CHMP4B: variants seen among roughly 807,000 people sequenced by gnomAD.
CHMP4B encodes the protein SNF7 homolog associated with Alix 1.
A neutral mutation model predicts 25.1 loss-of-function variants in CHMP4B; 1 was observed. The ratio of observed to expected loss-of-function variants is 0.04; its 90% confidence interval spans 0.01 to 0.19. CHMP4B has a LOEUF of 0.19. Among genes scored for constraint, CHMP4B ranks in the 10% least tolerant of loss-of-function variants. The probability of loss-of-function intolerance (pLI) is 1.00; values close to 1 mark genes in which losing one functional copy is unlikely to be tolerated. For missense variants in CHMP4B, 151 were observed against 289.7 expected (o/e 0.52, Z 3.48); for synonymous variants, 101 against 115.6 (o/e 0.87, Z 0.81).
At position 33,818,349 on chromosome 20, in the gene CHMP4B, C is replaced by T. The variant is rs1248047809; in HGVS notation, c.190+6691C>T. On this transcript the variant is annotated intron_variant, in intron 1 of 4. Transcript: ENST00000217402. ...ACAGCAGGAAGAGTTTAATTCATCT[C>T]TGAGGTTGCAGGTTCATCTCACCCA... 4.6e-5 allele frequency among the ~76,000 whole-genome samples: 7 copies of T among 152,364 alleles called. No individual in the cohort carries two copies. The South Asian group carries it at 1.5e-3, about 32-fold the overall frequency.
intron 1 of CHMP4B, among the ~76,000 whole-genome samples, 168 bp downstream of exon 1, chr20:33,811,826 C>T (rs932739509): frequency 6.6e-6 from 1 of 152,102 alleles, no homozygotes; most frequent in African/African-American, 2.4e-5. Context: ...TTCAATGTCT[C>T]CCCGATCCCT....
Position 33,831,760 on chromosome 20 carries a change from T to C in CHMP4B, c.191-16707T>C, listed in dbSNP as rs140369227. ...TCTTTAATTTTATTATTTTCACATA[T>C]ACAGTTGTAATCGACAGTGTTCAGC... On this transcript the variant is annotated intron_variant, in intron 1 of 4. Transcript: ENST00000217402. Among the ~76,000 whole-genome samples the C allele has an allele frequency of 1.6e-3, 244 of 152,360 alleles. 1 individual carries two copies. The highest frequency in any genetic ancestry group is 5.6e-3 in the African/African-American group (234 of 41,584).
chr20:33,845,009 T>G (rs534144267), intron 1 of CHMP4B, among the ~76,000 whole-genome samples: 17 of 152,284 alleles, frequency 1.1e-4, no homozygotes, highest in African/African-American at 3.9e-4. Flanking sequence ...TCCACCCGCC[T>G]TGGCCCCCCA....
intron 1 of CHMP4B, among the ~76,000 whole-genome samples, chr20:33,831,310 T>C (rs1479065632): frequency 6.6e-6 from 1 of 152,118 alleles, no homozygotes; most frequent in Non-Finnish European, 1.5e-5. Flanking sequence ...GGTCTCGAAC[T>C]CCTGACCTCA....
intron 1 of CHMP4B, among the ~76,000 whole-genome samples, chr20:33,820,109 C>A (rs945879756): frequency 1.3e-5 from 2 of 151,922 alleles, no homozygotes; most frequent in Non-Finnish European, 2.9e-5. Flanking sequence ...ACCCGAGAGC[C>A]GGAGCTTGCA....
intron 1 of CHMP4B, among the ~76,000 whole-genome samples, chr20:33,822,178 C>T (rs1472956458): frequency 6.6e-6 from 1 of 152,012 alleles, no homozygotes; most frequent in East Asian, 1.9e-4. Flanking sequence ...GAGTCTCTCC[C>T]TGTTGCCTAG....
chr20:33,831,960 C>T (rs539187925), intron 1 of CHMP4B, among the ~76,000 whole-genome samples: 1 of 152,344 alleles, frequency 6.6e-6, no homozygotes, highest in South Asian at 2.1e-4. Flanking sequence ...CCCTTCACCC[C>T]TTGCTGCCTC....
chr20:33,833,242 G>T (rs1016658731), intron 1 of CHMP4B, among the ~76,000 whole-genome samples: 1 of 152,134 alleles, frequency 6.6e-6, no homozygotes, highest in East Asian at 1.9e-4. Context: ...CTCCCTCCCT[G>T]CCTTATCTTC....
chr20:33,853,091 A>C (rs1176276875), intron 4 of CHMP4B, among the ~76,000 whole-genome samples: 1 of 152,184 alleles, frequency 6.6e-6, no homozygotes, highest in Non-Finnish European at 1.5e-5. Flanking sequence ...GAGGCCGTCC[A>C]GCAAGCCTCC....
At chr20:33,820,177 CA>C (rs75670158) in intron 1 of CHMP4B, among the ~76,000 whole-genome samples, 155 of 144,460 alleles carry the variant, frequency 1.1e-3, no homozygotes, top group Admixed American at 3.8e-3. Context: ...GACTCTGTCT[CA>C]AAAAAAAAAG....
At chr20:33,816,634 T>TGATATTTG (rs1296537982) in intron 1 of CHMP4B, among the ~76,000 whole-genome samples, 1 of 152,240 alleles carries the variant, frequency 6.6e-6, no homozygotes, top group African/African-American at 2.4e-5. Flanking sequence ...GATGATCAAA[T>TGATATTTG]ATCAAAGATT....
intron 4 of CHMP4B, 71 bp from the exon 5 acceptor site, chr20:33,853,425 A>C: frequency 1.4e-6 from 2 of 1,395,974 alleles, no homozygotes; most frequent in Non-Finnish European, 2.0e-6. Flanking sequence ...GAGCACAGGC[A>C]GCCCTCATTT....
At chr20:33,826,319 G>A (rs935949241) in intron 1 of CHMP4B, among the ~76,000 whole-genome samples, 1 of 152,112 alleles carries the variant, frequency 6.6e-6, no homozygotes, top group Non-Finnish European at 1.5e-5. Flanking sequence ...TGGGACCCAA[G>A]GTACAGAGAT....
At chr20:33,813,361 T>G (rs1381664699) in intron 1 of CHMP4B, among the ~76,000 whole-genome samples, 1 of 152,136 alleles carries the variant, frequency 6.6e-6, no homozygotes. Context: ...TGGAAAGTTT[T>G]TGGAGAGTAT....
chr20:33,818,339 TAATTCATCTC>T (rs1488163437), intron 1 of CHMP4B, among the ~76,000 whole-genome samples: 2 of 152,254 alleles, frequency 1.3e-5, no homozygotes, highest in African/African-American at 4.8e-5. Context: ...AGGAAGAGTT[TAATTCATCTC>T]TGAGGTTGCA....
intron 2 of CHMP4B, among the ~76,000 whole-genome samples, chr20:33,849,915 A>G (rs1979801005): frequency 1.3e-5 from 2 of 152,154 alleles, no homozygotes; most frequent in Admixed American, 1.3e-4. Context: ...AGCTCAGACT[A>G]CAGGTGTGTG....
chr20:33,848,358 G>T, intron 1 of CHMP4B, 109 bp from the exon 2 acceptor site: 1 of 1,057,206 alleles, frequency 9.5e-7, no homozygotes, highest in East Asian at 2.5e-5. Context: ...CTGCTATAGT[G>T]GAAGCAACAA....
chr20:33,813,253 A>G (rs1476692224), intron 1 of CHMP4B, among the ~76,000 whole-genome samples: 1 of 152,142 alleles, frequency 6.6e-6, no homozygotes, highest in Non-Finnish European at 1.5e-5. Flanking sequence ...CCTTGTGTCC[A>G]GAATGTAGTG....
intron 1 of CHMP4B, among the ~76,000 whole-genome samples, chr20:33,818,521 A>G (rs1397540319): frequency 9.2e-6 from 1 of 108,528 alleles, no homozygotes; most frequent in Non-Finnish European, 1.8e-5. Flanking sequence ...CTCCAACTGT[A>G]AAATCACCTT....
Sources: allele counts gnomAD v4.1 joint callset (sites outside exome capture counted in the v4.1 genomes callset), GRCh38; gene constraint gnomAD v4.1.1; transcripts MANE v1.5; gene names NCBI Gene and HGNC (gene_info 2026-07-23, HGNC 2026-07-21).